The following TDRD12 variants were observed in gnomAD, a reference collection of about 807,000 sequenced individuals.
The protein encoded by TDRD12 is tudor domain containing 12, also known as putative ATP-dependent RNA helicase TDRD12.
TDRD12 carries 158 observed loss-of-function variants against 133.5 expected under a neutral mutation model. The ratio of observed to expected loss-of-function variants is 1.18; its 90% CI spans 1.04 to 1.35. TDRD12 has a LOEUF of 1.35. Ranked by LOEUF, TDRD12 falls within the 40% of genes most tolerant of loss-of-function variation. TDRD12 has a pLI of 0.00. For missense variants in TDRD12, 1,443 were observed against 1,321.3 expected, an observed-to-expected ratio of 1.09 and a Z score of -1.43; for synonymous variants, 460 against 477.9, an observed-to-expected ratio of 0.96 and a Z score of 0.49.
rs1001892270 is a variant in TDRD12 at position 32,805,045 on chromosome 19, C to G, written c.2552+1903C>G. Among the ~76,000 whole-genome samples, 14 of 151,762 alleles carry G rather than the reference C, an allele frequency of 9.2e-5. No individual in the cohort carries two copies. In the South Asian group the frequency reaches 2.9e-3, roughly 32 times the overall value. ...AGGTATGGTGGCTCACACCTATAAT[C>G]CCAGCGCTTTGGGAGGCTGAAGTGG... On this transcript the variant is annotated intron_variant, in intron 21 of 27. Coordinates refer to ENST00000444215, the Ensembl canonical transcript of TDRD12.
At chr19:32,730,968 T>C (rs1969032576) in intron 1 of TDRD12, among the ~76,000 whole-genome samples, 1 of 152,192 alleles carries the variant, frequency 6.6e-6, no homozygotes, top group African/African-American at 2.4e-5. Context: ...TGAGCTGAGA[T>C]TGCGCCACTG....
In TDRD12 at chr19:32,734,469, C is replaced by T. The variant is rs114628903; in HGVS notation, c.183+2586C>T. Among the ~76,000 whole-genome samples, 1,143 of 151,510 alleles carry T rather than the reference C, an allele frequency of 7.5e-3. 19 individuals carry two copies. Among genetic ancestry groups the T allele is most frequent in the African/African-American group, 0.026 (1,068 of 41,288 alleles). ...CACTGCAACCTCCGCCTTTTGGTATCGAGCAATCCTCCCACCTCAGCCTCC... is the reference window on the plus strand; with the variant it reads ...CACTGCAACCTCCGCCTTTTGGTATTGAGCAATCCTCCCACCTCAGCCTCC... On this transcript the variant is annotated intron_variant, in intron 2 of 27. Coordinates refer to ENST00000444215, the Ensembl canonical transcript of TDRD12.
chr19:32,788,217 G>A (rs1970966685), intron 11 of TDRD12, among the ~76,000 whole-genome samples: 1 of 151,688 alleles, frequency 6.6e-6, no homozygotes, highest in Admixed American at 6.6e-5. Flanking sequence ...CTGCCTCCTG[G>A]GTTCAAGTGA....
chr19:32,789,722 C>T (rs1056035181), intron 11 of TDRD12, among the ~76,000 whole-genome samples: 10 of 152,128 alleles, frequency 6.6e-5, no homozygotes, highest in African/African-American at 2.2e-4. Context: ...TTTACAGGGC[C>T]GGGCGCAGTG....
At chr19:32,821,063 G>T in exon 28 of TDRD12, 1 of 1,535,948 alleles carries the variant, frequency 6.5e-7, no homozygotes, top group South Asian at 1.2e-5. Context: ...CTGCTTGCCT[G>T]CAGAGCCCCC....
At chr19:32,808,925 T>A (rs1041545047) in intron 22 of TDRD12, among the ~76,000 whole-genome samples, 13 of 151,986 alleles carry the variant, frequency 8.6e-5, no homozygotes, top group African/African-American at 3.1e-4. Context: ...TGCTCTTTAT[T>A]CTCTTTTTAA....
At chr19:32,790,863 T>C (rs1971049469) in intron 12 of TDRD12, 101 bp from the exon 13 acceptor site, 2 of 1,469,930 alleles carry the variant, frequency 1.4e-6, no homozygotes, top group South Asian at 2.7e-5. Flanking sequence ...CCCAGGTGTT[T>C]ACATTGAAAT....
chr19:32,762,598 A>G (rs1372657317), intron 8 of TDRD12, among the ~76,000 whole-genome samples: 3 of 152,162 alleles, frequency 2.0e-5, no homozygotes, highest in African/African-American at 7.2e-5. Context: ...CTACCAGGTA[A>G]AACTGGTGTT....
At chr19:32,806,416 C>T (rs1412591213) in intron 21 of TDRD12, among the ~76,000 whole-genome samples, 2 of 148,880 alleles carry the variant, frequency 1.3e-5, no homozygotes, top group African/African-American at 5.0e-5. Flanking sequence ...GATCTCAGCT[C>T]ACTGAAACCT....
chr19:32,785,335 T>C (rs1417553048), intron 11 of TDRD12, among the ~76,000 whole-genome samples: 2 of 152,242 alleles, frequency 1.3e-5, no homozygotes, highest in Non-Finnish European at 2.9e-5. Context: ...CAGTTTGTTG[T>C]GATTTCTGTT....
intron 6 of TDRD12, 132 bp downstream of exon 6, chr19:32,750,001 T>A: frequency 1.7e-6 from 1 of 603,464 alleles, no homozygotes. Context: ...AAGGTCTATC[T>A]TAGACCCGAA....
Position 32,827,356 on chromosome 19 carries a change from CT to C in TDRD12, c.*195del, listed in dbSNP as rs200971396. On this transcript the variant is annotated 3_prime_UTR_variant, in exon 10 of 10. Coordinates refer to the TDRD12 transcript ENST00000637289. ...AGAAAACAGTCAGTCATAACCAAAT[CT>C]TTTTCTTTTCTTTTCTTTTTTTTTT... The C allele has an allele frequency of 1.0e-4, 26 of 253,196 alleles. No homozygotes were observed. In the African/African-American group the frequency reaches 1.1e-3, roughly 10 times the overall value. 15.7% of individuals were successfully genotyped at this position (253,196 alleles called of 1,614,324 possible).
At chr19:32,748,254 T>G (rs981980310) in intron 4 of TDRD12, among the ~76,000 whole-genome samples, 15 of 152,156 alleles carry the variant, frequency 9.9e-5, no homozygotes, top group Admixed American at 3.3e-4. Flanking sequence ...GCCTCTGTGC[T>G]ATGAGTCTGC....
chr19:32,754,451 C>A (rs1038223543), intron 6 of TDRD12, among the ~76,000 whole-genome samples: 2 of 152,120 alleles, frequency 1.3e-5, no homozygotes, highest in African/African-American at 4.8e-5. Context: ...CAGAGCAAGA[C>A]CCTGTCTCAA....
intron 7 of TDRD12, 23 bp from the exon 8 acceptor site, chr19:32,757,015 C>A (rs780180892): frequency 1.1e-4 from 166 of 1,534,406 alleles, no homozygotes; most frequent in Non-Finnish European, 1.4e-4. Context: ...TGCTTTAATT[C>A]TGAAATTTAT....
At chr19:32,732,439 G>A (rs1407491789) in intron 2 of TDRD12, among the ~76,000 whole-genome samples, 1 of 152,226 alleles carries the variant, frequency 6.6e-6, no homozygotes, top group African/African-American at 2.4e-5. Flanking sequence ...CTCTGGGGCT[G>A]GGAACCAGGG....
chr19:32,741,044 T>C (rs1969409630), intron 3 of TDRD12, among the ~76,000 whole-genome samples: 1 of 152,188 alleles, frequency 6.6e-6, no homozygotes. Context: ...GAAAGAGCAA[T>C]ACCAAATAGA....
At chr19:32,777,756 C>T (rs1401056772) in intron 11 of TDRD12, among the ~76,000 whole-genome samples, 6 of 139,974 alleles carry the variant, frequency 4.3e-5, no homozygotes, top group African/African-American at 1.6e-4. Flanking sequence ...GCGATCCTCC[C>T]ACCTCAGCCT....
chr19:32,800,578 G>A, intron 17 of TDRD12, 66 bp from the exon 18 acceptor site: 1 of 1,375,048 alleles, frequency 7.3e-7, no homozygotes, highest in Non-Finnish European at 9.6e-7. Context: ...CCCAACACCT[G>A]TGGAAAGTGG....
Sources: gnomAD v4.1 joint callset for allele counts (sites outside exome capture counted in the v4.1 genomes callset) on GRCh38, gnomAD v4.1.1 for gene constraint, MANE v1.5 for transcripts, NCBI Gene and HGNC (gene_info 2026-07-23, HGNC 2026-07-21) for gene names.